TAFA4: variants seen among roughly 807,000 people sequenced by gnomAD.
The protein encoded by TAFA4 is chemokine-like protein TAFA-4.
Under a neutral mutation model 21.1 loss-of-function variants are expected in TAFA4, and 20 were observed. The observed-to-expected ratio is 0.95, with a 90% confidence interval of 0.67 to 1.38. The LOEUF (loss-of-function observed/expected upper bound fraction) is 1.38. Ranked by LOEUF, TAFA4 falls within the 40% of genes most tolerant of loss-of-function variation. The pLI is 0.00. For synonymous variants in TAFA4, 71 were observed against 67.4 expected (o/e 1.05, Z -0.26); for missense variants, 211 against 180.9 (o/e 1.17, Z -0.95).
intron 3 of TAFA4, among the ~76,000 whole-genome samples, chr3:68,857,437 G>A (rs1350241355): frequency 6.6e-6 from 1 of 152,104 alleles, no homozygotes; most frequent in African/African-American, 2.4e-5. Flanking sequence ...AATGTTAGGT[G>A]TTAGGTAATG....
intron 5 of TAFA4, among the ~76,000 whole-genome samples, chr3:68,737,477 A>AACAAGG (rs1702265672): frequency 6.6e-6 from 1 of 152,148 alleles, no homozygotes; most frequent in South Asian, 2.1e-4. Flanking sequence ...CAGTATCACT[A>AACAAGG]ACAAGGATAA....
At chr3:68,820,642 G>A (rs1704093125) in intron 3 of TAFA4, among the ~76,000 whole-genome samples, 1 of 152,050 alleles carries the variant, frequency 6.6e-6, no homozygotes, top group Non-Finnish European at 1.5e-5. Flanking sequence ...CTCCAAGCTG[G>A]GCAGCAGAAC....
chr3:68,801,680 T>C (rs1703581993), intron 3 of TAFA4, among the ~76,000 whole-genome samples: 1 of 152,152 alleles, frequency 6.6e-6, no homozygotes, highest in Non-Finnish European at 1.5e-5. Flanking sequence ...GAACAGTAAA[T>C]ATTTTAGGCT....
At position 68,882,743 on chromosome 3, in the gene TAFA4, G is replaced by T. The variant is rs1386336013; in HGVS notation, c.15-1898C>A. The stretch of plus-strand genomic sequence containing the variant: ...CCCCCAAATTATGTGATTGATAATA[G>T]CATCTAGAACTCAGGTAAGATCCAC... On this transcript the variant is annotated intron_variant, in intron 2 of 5. Coordinates refer to ENST00000295569, the MANE Select transcript of TAFA4 (RefSeq NM_182522.5). Among the ~76,000 whole-genome samples the T allele has an allele frequency of 2.0e-5, 3 of 152,296 alleles. No individual in the cohort carries two copies. In the East Asian group the frequency reaches 5.8e-4, roughly 29 times the overall value.
intron 1 of TAFA4, among the ~76,000 whole-genome samples, chr3:68,886,074 T>C (rs1222473146): frequency 6.6e-6 from 1 of 152,208 alleles, no homozygotes; most frequent in Non-Finnish European, 1.5e-5. Flanking sequence ...AATTATGATA[T>C]GTGTTAATAA....
intron 3 of TAFA4, among the ~76,000 whole-genome samples, chr3:68,877,494 C>G (rs1248925104): frequency 6.6e-6 from 1 of 152,166 alleles, no homozygotes; most frequent in Admixed American, 6.5e-5. Context: ...AGCTCAGACC[C>G]TTCACAATTC....
At chr3:68,775,731 C>A (rs1326309647) in intron 3 of TAFA4, among the ~76,000 whole-genome samples, 1 of 152,110 alleles carries the variant, frequency 6.6e-6, no homozygotes, top group African/African-American at 2.4e-5. Flanking sequence ...GCTGTGGGGA[C>A]CCGGGCAATG....
At chr3:68,739,493 A>T (rs912441705) in intron 4 of TAFA4, among the ~76,000 whole-genome samples, 2 of 152,226 alleles carry the variant, frequency 1.3e-5, no homozygotes, top group African/African-American at 2.4e-5. Flanking sequence ...GAGATTTCTC[A>T]AAGAACTAAA....
intron 1 of TAFA4, among the ~76,000 whole-genome samples, chr3:68,898,052 A>C (rs1191530740): frequency 1.3e-5 from 2 of 152,206 alleles, no homozygotes; most frequent in African/African-American, 4.8e-5. Flanking sequence ...AACAAGGTCC[A>C]GGACATGTGG....
chr3:68,757,357 C>T (rs1702677304), intron 3 of TAFA4, among the ~76,000 whole-genome samples: 2 of 152,102 alleles, frequency 1.3e-5, no homozygotes, highest in South Asian at 4.2e-4. Flanking sequence ...TTTATCACCA[C>T]CTCACAGGCC....
At chr3:68,807,451 A>G (rs1472197609) in intron 3 of TAFA4, among the ~76,000 whole-genome samples, 1 of 152,176 alleles carries the variant, frequency 6.6e-6, no homozygotes, top group Non-Finnish European at 1.5e-5. Flanking sequence ...TTTTTGAAAC[A>G]TGGGGCATTG....
intron 3 of TAFA4, among the ~76,000 whole-genome samples, chr3:68,864,165 C>G (rs1052264446): frequency 2.6e-5 from 4 of 151,814 alleles, no homozygotes; most frequent in Non-Finnish European, 4.4e-5. Context: ...AAAAGATAAG[C>G]CACATACTGG....
chr3:68,831,781 C>T (rs1485004679), intron 3 of TAFA4, among the ~76,000 whole-genome samples: 1 of 152,146 alleles, frequency 6.6e-6, no homozygotes, highest in African/African-American at 2.4e-5. Context: ...GAGTGTTTTC[C>T]AGCTTGGTTC....
intron 3 of TAFA4, among the ~76,000 whole-genome samples, chr3:68,755,873 T>G (rs1489992): frequency 1.3e-5 from 2 of 152,038 alleles, no homozygotes; most frequent in Non-Finnish European, 2.9e-5. Context: ...GCCATGTACA[T>G]GATTAGGTGA....
At chr3:68,765,239 C>T (rs943131540) in intron 3 of TAFA4, among the ~76,000 whole-genome samples, 14 of 152,090 alleles carry the variant, frequency 9.2e-5, no homozygotes, top group African/African-American at 3.4e-4. Context: ...AATTTGTATG[C>T]AGGACCATCT....
intron 4 of TAFA4, among the ~76,000 whole-genome samples, chr3:68,749,225 A>G (rs1210078019): frequency 6.6e-6 from 1 of 152,226 alleles, no homozygotes; most frequent in Non-Finnish European, 1.5e-5. Context: ...CCCTGTTTAT[A>G]TAATATAATC....
chr3:68,811,217 T>C (rs933376231), intron 3 of TAFA4, among the ~76,000 whole-genome samples: 1 of 151,896 alleles, frequency 6.6e-6, no homozygotes, highest in African/African-American at 2.4e-5. Context: ...ACCACAAAGA[T>C]GGGGAAAAAA....
rs570883307 is a variant in TAFA4, at chr3:68,754,154, T to G, written c.131-1136A>C. 5.4e-4 allele frequency among the ~76,000 whole-genome samples: 83 copies of G among 152,326 alleles called. 1 individual carries two copies. The South Asian group carries it at 0.015, about 27-fold the overall frequency. Reference sequence around the variant, plus strand: ...CCTAACTACTTCACTGTGTATTTTCTAAAAACAAAGACATAAGGTTACATA... The same window carrying G: ...CCTAACTACTTCACTGTGTATTTTCGAAAAACAAAGACATAAGGTTACATA... On this transcript the variant is annotated intron_variant, in intron 3 of 5. Coordinates refer to ENST00000295569, the MANE Select transcript of TAFA4 (RefSeq NM_182522.5).
At chr3:68,745,924 GA>G (rs753894743) in intron 4 of TAFA4, among the ~76,000 whole-genome samples, 7 of 152,172 alleles carry the variant, frequency 4.6e-5, no homozygotes, top group Admixed American at 4.6e-4. Flanking sequence ...GTATGCCTGT[GA>G]GGGTGTTGCC....
Sources: allele counts gnomAD v4.1 joint callset (sites outside exome capture counted in the v4.1 genomes callset), GRCh38; gene constraint gnomAD v4.1.1; transcripts MANE v1.5; gene names NCBI Gene and HGNC (gene_info 2026-07-23, HGNC 2026-07-21).